MYSM1: variants seen among roughly 807,000 people sequenced by gnomAD.
The protein encoded by MYSM1 is Myb like, SWIRM and MPN domains 1, also known as deubiquitinase MYSM1.
A neutral mutation model predicts 116.0 loss-of-function variants in MYSM1; 51 were observed. The observed-to-expected ratio is 0.44, with a 90% CI of 0.35 to 0.56. The LOEUF is 0.56. Among genes scored for constraint, MYSM1 ranks in the 20% least tolerant of loss-of-function variants. The pLI is 0.00. For synonymous variants in MYSM1, 313 were observed against 315.2 expected, an observed-to-expected ratio of 0.99 and a Z score of 0.07; for missense variants, 900 against 974.9, an observed-to-expected ratio of 0.92 and a Z score of 1.02.
chr1:58,666,935 A>C lies in MYSM1; in HGVS notation c.2031+103T>G, dbSNP rs1225053362. The C allele has an allele frequency of 1.0e-5, 5 of 489,494 alleles. No homozygotes were observed. The East Asian group carries it at 1.7e-4, about 17-fold the overall frequency. The allele number at this position is 489,494 out of a possible 1,614,324, so 30.3% of individuals were successfully genotyped here. Reference sequence around the variant, plus strand: ...ACAAACAAAATCCCCAGTATAAAGAATATTAGAAATGTAATATGAAAAATG... The same window carrying C: ...ACAAACAAAATCCCCAGTATAAAGACTATTAGAAATGTAATATGAAAAATG... On this transcript the variant is annotated intron_variant, in intron 16 of 19. Coordinates refer to ENST00000472487, the MANE Select transcript of MYSM1 (RefSeq NM_001085487.3).
chr1:58,667,024 T>C lies in MYSM1; in HGVS notation c.2031+14A>G, dbSNP rs2100602172. The C allele has an allele frequency of 3.2e-6, 5 of 1,552,112 alleles. No individual in the cohort carries two copies. Among genetic ancestry groups the C allele is most frequent in the Non-Finnish European group, 4.4e-6 (5 of 1,132,484 alleles). On this transcript the variant is annotated intron_variant, in intron 16 of 19. Coordinates refer to ENST00000472487, the MANE Select transcript of MYSM1 (RefSeq NM_001085487.3). ...TGTGCAACCATTTACAGAATATAAA[T>C]ATACATGTAATACCTGGTATTTAGC...
chr1:58,683,904 G>A (rs1644785248), intron 7 of MYSM1, among the ~76,000 whole-genome samples: 1 of 152,074 alleles, frequency 6.6e-6, no homozygotes, highest in Non-Finnish European at 1.5e-5. Flanking sequence ...ACTAGTCTCT[G>A]TTACAATATG....
At chr1:58,692,600 T>C (rs1053430552) in intron 3 of MYSM1, 13 of 291,626 alleles carry the variant, frequency 4.5e-5, no homozygotes, top group African/African-American at 8.7e-5. Context: ...TTCTATCATT[T>C]CTACTCAATA....
chr1:58,671,720 A>C, intron 12 of MYSM1, 150 bp downstream of exon 12: 3 of 598,376 alleles, frequency 5.0e-6, no homozygotes, highest in Non-Finnish European at 8.6e-6. Context: ...CCAAATTCAT[A>C]ATCAGTGAAA....
chr1:58,681,802 A>C lies in MYSM1; in HGVS notation c.1242T>G (p.Asn414Lys), dbSNP rs1465452577. 1 of 1,586,674 alleles carries C rather than the reference A, an allele frequency of 6.3e-7. No individual in the cohort carries two copies. Among genetic ancestry groups the C allele is most frequent in the African/African-American group, 1.4e-5 (1 of 73,068 alleles). The change falls in exon 8 of 20, where the codon AAT becomes AAG. Residue 414 changes from asparagine to lysine, a missense_variant. Around this residue, in one of 3 missense-constraint regions of MYSM1, gnomAD observed 622 missense variants for 623.7 expected, o/e 1.00. Coordinates refer to ENST00000472487, the MANE Select transcript of MYSM1 (RefSeq NM_001085487.3). Reference sequence around the variant, plus strand: ...TTTCTTACCATTGATCCAAAATATAATTTCTAATTTTCAAATAGCGTTCTG... The same window carrying C: ...TTTCTTACCATTGATCCAAAATATACTTTCTAATTTTCAAATAGCGTTCTG... ...KTPERYLKIR[N>K]YILDQWEICK...
chr1:58,682,529 T>C lies in MYSM1; in HGVS notation c.515A>G (p.Asp172Gly). The C allele has an allele frequency of 1.9e-6, 3 of 1,606,542 alleles. No individual in the cohort carries two copies. The highest frequency in any genetic ancestry group is 2.5e-6 in the Non-Finnish European group (3 of 1,176,730). The change falls in exon 8 of 20, where the codon GAT becomes GGT. Residue 172 changes from aspartate to glycine, a missense_variant. Physicochemically the swap from Asp to Gly is moderately conservative, Grantham distance 94 (BLOSUM62 -1). Around this residue, in one of 3 missense-constraint regions of MYSM1, gnomAD observed 622 missense variants for 623.7 expected, o/e 1.00. Transcript: ENST00000472487. ...YFKNKVKCGL[D>G]KETPNQKTGH... Reference sequence around the variant, plus strand: ...GGTCTTCTGATTTGGTGTTTCTTTATCCAGACCGCATTTGACCTTATTAAA... The same window carrying C: ...GGTCTTCTGATTTGGTGTTTCTTTACCCAGACCGCATTTGACCTTATTAAA...
intron 8 of MYSM1, 89 bp downstream of exon 8, chr1:58,681,696 A>G: frequency 7.7e-7 from 1 of 1,292,116 alleles, no homozygotes; most frequent in South Asian, 1.7e-5. Context: ...TAGATTTACT[A>G]GCAAAATTCT....
intron 19 of MYSM1, among the ~76,000 whole-genome samples, 176 bp from the exon 20 acceptor site, chr1:58,660,331 G>A (rs1644372554): frequency 6.6e-6 from 1 of 152,096 alleles, no homozygotes; most frequent in African/African-American, 2.4e-5. Context: ...CTGGAATGTA[G>A]GAAATTGCTG....
intron 3 of MYSM1, chr1:58,692,625 A>G (rs1644919266): frequency 2.7e-6 from 1 of 368,402 alleles, no homozygotes; most frequent in Non-Finnish European, 4.8e-6. Context: ...GATATCATAA[A>G]CAGTTGGCTA....
intron 6 of MYSM1, 90 bp downstream of exon 6, chr1:58,688,948 C>G (rs1644866110): frequency 8.8e-6 from 10 of 1,136,736 alleles, no homozygotes; most frequent in Non-Finnish European, 1.3e-5. Context: ...AAAGAAAATT[C>G]AGGTCTCTAT....
At chr1:58,697,607 G>A (rs1464062132) in intron 1 of MYSM1, among the ~76,000 whole-genome samples, 1 of 143,564 alleles carries the variant, frequency 7.0e-6, no homozygotes, top group African/African-American at 2.6e-5. Flanking sequence ...TTTTTTTTTT[G>A]AGATGGCGTT....
intron 5 of MYSM1, 122 bp from the exon 6 acceptor site, chr1:58,689,238 TAAAC>T (rs1057312960): frequency 2.1e-5 from 15 of 720,676 alleles, no homozygotes; most frequent in East Asian, 5.8e-5. Context: ...GAATTAAAAA[TAAAC>T]AAACAAACAA....
chr1:58,683,910 A>G (rs1380521047), intron 7 of MYSM1, among the ~76,000 whole-genome samples: 2 of 152,194 alleles, frequency 1.3e-5, no homozygotes, highest in African/African-American at 4.8e-5. Flanking sequence ...CTCTGTTACA[A>G]TATGAAAAAT....
intron 1 of MYSM1, among the ~76,000 whole-genome samples, chr1:58,698,102 A>ATATATTTTTTTTTTTTTT: frequency 1.3e-4 from 1 of 7,776 alleles, no homozygotes; most frequent in African/African-American, 2.6e-4. Flanking sequence ...ATATATATAT[A>ATATATTTTTTTTTTTTTT]TTTTTTTTTT....
intron 7 of MYSM1, among the ~76,000 whole-genome samples, chr1:58,683,887 A>T (rs78178108): frequency 0.021 from 3,193 of 152,304 alleles, 97 homozygotes; most frequent in African/African-American, 0.071. Context: ...CATTGATTTC[A>T]TAATATACTA....
intron 19 of MYSM1, 127 bp from the exon 20 acceptor site, chr1:58,660,282 A>G (rs1644372015): frequency 1.9e-6 from 1 of 537,200 alleles, no homozygotes; most frequent in Admixed American, 4.0e-5. Flanking sequence ...CTCTCCTTAA[A>G]AATGGTTGAA....
intron 7 of MYSM1, among the ~76,000 whole-genome samples, chr1:58,684,332 G>A (rs566253377): frequency 3.3e-5 from 5 of 152,170 alleles, no homozygotes; most frequent in African/African-American, 1.2e-4. Flanking sequence ...TTGGGAGGCC[G>A]AGGCGGGTGG....
intron 7 of MYSM1, among the ~76,000 whole-genome samples, chr1:58,684,654 A>C (rs1263808431): frequency 2.6e-5 from 4 of 152,114 alleles, no homozygotes; most frequent in Admixed American, 1.3e-4. Flanking sequence ...TTAAGAAACC[A>C]GATCACAATT....
At chr1:58,679,676 C>T (rs1170752160) in intron 8 of MYSM1, among the ~76,000 whole-genome samples, 1 of 152,138 alleles carries the variant, frequency 6.6e-6, no homozygotes, top group Non-Finnish European at 1.5e-5. Flanking sequence ...CCAAACTAGT[C>T]TCGAACTCCT....
Sources: gnomAD v4.1 joint callset for allele counts (sites outside exome capture counted in the v4.1 genomes callset) on GRCh38, gnomAD v4.1.1 for gene constraint, gnomAD v4.1.1 regional missense constraint, MANE v1.5 for transcripts, NCBI Gene and HGNC (gene_info 2026-07-23, HGNC 2026-07-21) for gene names.